TNK2: variants seen among roughly 807,000 people sequenced by gnomAD.
TNK2 encodes activated CDC42 kinase 1.
TNK2 carries 83 observed loss-of-function variants against 101.8 expected under a neutral mutation model. The ratio of observed to expected loss-of-function variants is 0.82; its 90% CI spans 0.68 to 0.98. The LOEUF is 0.98. Ranked by LOEUF, TNK2 falls within the 50% of genes least tolerant of loss-of-function variation. The pLI, the probability that TNK2 is intolerant of heterozygous loss-of-function variation, is 0.00. For synonymous variants in TNK2, 804 were observed against 633.0 expected, an observed-to-expected ratio of 1.27 and a Z score of -4.06; for missense variants, 1,665 against 1,483.2, an observed-to-expected ratio of 1.12 and a Z score of -2.01.
chr3:195,868,199 T>A lies in TNK2; in HGVS notation c.2099A>T (p.Asp700Val). 3.1e-6 allele frequency: 5 copies of A among 1,608,914 alleles called. No homozygotes were observed. The highest frequency in any genetic ancestry group is 4.2e-6 in the Non-Finnish European group (5 of 1,178,878). ...ACCCTGGGGCGGGAGGAACAGGTTG[T>A]CCTCCAGGGGAGGGGGCGGCCGCGC... ...EQARPPPPLE[D>V]NLFLPPQGGG... is the part of the protein sequence containing the mutation. Residue 700 changes from aspartate to valine, a missense_variant, in exon 13 of 16, where the codon GAC becomes GTC. Coordinates refer to ENST00000672887, the MANE Select transcript of TNK2 (RefSeq NM_001382273.1).
At chr3:195,887,921 CGT>C (rs1756718756) in intron 2 of TNK2, among the ~76,000 whole-genome samples, 1 of 125,544 alleles carries the variant, frequency 8.0e-6, no homozygotes, top group African/African-American at 3.8e-5. Flanking sequence ...TGCATGCGTG[CGT>C]GCACGTGTGT....
In TNK2 at chr3:195,867,007, G is replaced by C. The variant is rs1385068962; in HGVS notation, c.3043C>G (p.Leu1015Val). 6.2e-7 allele frequency: 1 copy of C among 1,613,236 alleles called. No homozygotes were observed. The highest frequency in any genetic ancestry group is 8.5e-7 in the Non-Finnish European group (1 of 1,179,924). Residue 1015 changes from leucine to valine, a missense_variant, in exon 15 of 16, where the codon CTC becomes GTC. Leu to Val is a conservative substitution (Grantham distance 32). Coordinates refer to ENST00000672887, the MANE Select transcript of TNK2 (RefSeq NM_001382273.1). ...CTGGGCCGCAGACCCAGCCCGAAGA[G>C]CTGCTCCACCTGGGGGTAAGGGTGG... ...RAAQYLKVEQLFGLGLRPRGE... is the reference protein window; with the variant it reads ...RAAQYLKVEQVFGLGLRPRGE...
In TNK2 at chr3:195,885,417, A is replaced by T; in HGVS notation, c.235-384T>A. 1 of 1,340,738 alleles carries T rather than the reference A, an allele frequency of 7.5e-7. No homozygotes were observed. The highest frequency in any genetic ancestry group is 4.4e-5 in the East Asian group (1 of 22,506). The allele number at this position is 1,340,738 out of a possible 1,614,324, so 83.1% of individuals were successfully genotyped here. A position where few individuals can be genotyped will look rare whatever the true frequency, so the allele number is the denominator to read the frequency against. On this transcript the variant is annotated intron_variant, in intron 3 of 15. Coordinates refer to ENST00000672887, the MANE Select transcript of TNK2 (RefSeq NM_001382273.1). This position sits in a 1 kb window ranked among gnomAD's most constrained non-coding sequence, Gnocchi z 4.7. Reference sequence around the variant, plus strand: ...CCCGCAGACTCCAGCCCTAACCCGCATCGATGGAGCCGCAGGGGCCCTCCA... The same window carrying T: ...CCCGCAGACTCCAGCCCTAACCCGCTTCGATGGAGCCGCAGGGGCCCTCCA...
chr3:195,888,362 G>A lies in TNK2; in HGVS notation c.163+64C>T. ...CTCAGCTGCCACCCGTGCACCGAGTGGTCCTGAGGACAGAGGACGGAAAGG... is the reference window on the plus strand; with the variant it reads ...CTCAGCTGCCACCCGTGCACCGAGTAGTCCTGAGGACAGAGGACGGAAAGG... On this transcript the variant is annotated intron_variant, in intron 2 of 15. Coordinates refer to ENST00000672887, the MANE Select transcript of TNK2 (RefSeq NM_001382273.1). This position sits in a 1 kb window ranked among gnomAD's most constrained non-coding sequence, Gnocchi z 5.3. 6.5e-7 allele frequency: 1 copy of A among 1,549,836 alleles called. No individual in the cohort carries two copies. Among genetic ancestry groups the A allele is most frequent in the Non-Finnish European group, 8.8e-7 (1 of 1,134,476 alleles).
At chr3:195,874,668 T>TC (rs1215935283) in intron 9 of TNK2, among the ~76,000 whole-genome samples, 3 of 8,334 alleles carry the variant, frequency 3.6e-4, no homozygotes, top group African/African-American at 2.5e-3. Context: ...CACAAGAAGC[T>TC]CCCCTCGGGA....
At chr3:195,871,127 G>A (rs1428863481) in intron 10 of TNK2, among the ~76,000 whole-genome samples, 1 of 151,892 alleles carries the variant, frequency 6.6e-6, no homozygotes, top group Non-Finnish European at 1.5e-5. Flanking sequence ...GAGAAGGGCT[G>A]CAGAGGCCAG....
intron 6 of TNK2, among the ~76,000 whole-genome samples, chr3:195,880,513 C>G (rs1368175103): frequency 3.6e-5 from 1 of 27,934 alleles, no homozygotes; most frequent in Non-Finnish European, 7.1e-5. Flanking sequence ...CTGTAACACC[C>G]CCCCCCCCAG....
intron 1 of TNK2, among the ~76,000 whole-genome samples, chr3:195,897,823 C>A (rs1446567529): frequency 3.7e-5 from 5 of 134,004 alleles, no homozygotes; most frequent in Non-Finnish European, 6.5e-5. Flanking sequence ...CCCCCACCCC[C>A]CCCCCACCCC....
In TNK2 at chr3:195,882,655, T is replaced by G; in HGVS notation, c.610-327A>C. On this transcript the variant is annotated intron_variant, in intron 5 of 15. Transcript: ENST00000672887. This position sits in a 1 kb window ranked among gnomAD's most constrained non-coding sequence, Gnocchi z 4.2. ...GGTGGATCATTTGAGGTCAGGAGTT[T>G]GAGACCAGCCTGGCCAACATGGTGA... 1 of 691,934 alleles carries G rather than the reference T, an allele frequency of 1.4e-6. No individual in the cohort carries two copies. The highest frequency in any genetic ancestry group is 2.3e-6 in the Non-Finnish European group (1 of 442,980). The allele number at this position is 691,934 out of a possible 1,614,324, so 42.9% of individuals were successfully genotyped here. A position where few individuals can be genotyped will look rare whatever the true frequency, so the allele number is the denominator to read the frequency against.
In TNK2 at chr3:195,878,700, G is replaced by A; in HGVS notation, c.1015-108C>T. 2 of 1,469,262 alleles carry A rather than the reference G, an allele frequency of 1.4e-6. No individual in the cohort carries two copies. Among genetic ancestry groups the A allele is most frequent in the East Asian group, 2.4e-5 (1 of 40,902 alleles). 91.0% of individuals were successfully genotyped at this position (1,469,262 alleles called of 1,614,324 possible). On this transcript the variant is annotated intron_variant, in intron 7 of 15. Transcript: ENST00000672887. The surrounding 1 kb of genome is among the most constrained non-coding windows in gnomAD (Gnocchi z 4.7). Reference sequence around the variant, plus strand: ...GCTGCAGCGGCTGCTGCCATGCCTGGCCTCCAAAGAAGGGATCTGCCTGCC... The same window carrying A: ...GCTGCAGCGGCTGCTGCCATGCCTGACCTCCAAAGAAGGGATCTGCCTGCC...
At chr3:195,896,409 C>T (rs1362840361) in intron 1 of TNK2, 2 of 301,442 alleles carry the variant, frequency 6.6e-6, no homozygotes, top group African/African-American at 4.6e-5. Flanking sequence ...ACGGCCCACT[C>T]TCCTCACACA....
At chr3:195,865,893 T>C (rs1740514221) in intron 15 of TNK2, among the ~76,000 whole-genome samples, 1 of 152,182 alleles carries the variant, frequency 6.6e-6, no homozygotes, top group Non-Finnish European at 1.5e-5. Context: ...GGGTGAGCAC[T>C]ATTATCTACA....
At chr3:195,869,703 C>G (rs191683167) in intron 11 of TNK2, 162 bp from the exon 12 acceptor site, 1 of 739,082 alleles carries the variant, frequency 1.4e-6, no homozygotes, top group East Asian at 2.7e-5. Context: ...AGGCCGCAGG[C>G]GGCAGGATGA....
chr3:195,889,792 T>C (rs1053384571), intron 1 of TNK2, among the ~76,000 whole-genome samples: 4 of 152,160 alleles, frequency 2.6e-5, no homozygotes, highest in African/African-American at 9.7e-5. Context: ...CATCCCTGTC[T>C]GCGTAAGGTG....
At position 195,908,542 on chromosome 3, in the gene TNK2, G is replaced by T. The variant is rs964615230; in HGVS notation, c.-76C>A. 2.0e-5 allele frequency: 3 copies of T among 152,564 alleles called. No homozygotes were observed. The highest frequency in any genetic ancestry group is 4.8e-5 in the African/African-American group (2 of 41,448). The allele number at this position is 152,564 out of a possible 1,614,324, so 9.5% of individuals were successfully genotyped here. On this transcript the variant is annotated 5_prime_UTR_variant, in exon 1 of 16. Coordinates refer to ENST00000672887, the MANE Select transcript of TNK2 (RefSeq NM_001382273.1). ...GCTTCAGCGACGCCCAGGCTGAGAC[G>T]GCAGAAGAGGTTCCCGCCGGCCGCG...
chr3:195,882,987 GAC>G lies in TNK2; in HGVS notation c.609+168_609+169del, dbSNP rs1211779496. On this transcript the variant is annotated intron_variant, in intron 5 of 15. Coordinates refer to ENST00000672887, the MANE Select transcript of TNK2 (RefSeq NM_001382273.1). The surrounding 1 kb of genome is among the most constrained non-coding windows in gnomAD (Gnocchi z 4.2). ...GACAGACCCGGACTGGACCGCAGCAGACACAGCCCGTACCAGGCTGGGCCCCT... is the reference window on the plus strand; with the variant it reads ...GACAGACCCGGACTGGACCGCAGCAGACAGCCCGTACCAGGCTGGGCCCCT... Among the ~76,000 whole-genome samples the G allele has an allele frequency of 3.9e-5, 6 of 152,188 alleles. No homozygotes were observed. Among genetic ancestry groups the G allele is most frequent in the Non-Finnish European group, 7.3e-5 (5 of 68,034 alleles).
chr3:195,876,619 C>T (rs1320672651), intron 9 of TNK2: 1 of 456,146 alleles, frequency 2.2e-6, no homozygotes, highest in South Asian at 1.5e-5. Context: ...ACCTCCTGAG[C>T]AGCTCCAGGC....
intron 4 of TNK2, 128 bp from the exon 5 acceptor site, chr3:195,883,437 A>G (rs1754143444): frequency 8.8e-7 from 1 of 1,134,766 alleles, no homozygotes; most frequent in Admixed American, 2.1e-5. Flanking sequence ...GTGGGTAAGC[A>G]TGTCACCAGT....
In TNK2 at chr3:195,866,950, C is replaced by T. The variant is rs201887578; in HGVS notation, c.3100G>A (p.Asp1034Asn). ...CAGCCGGCCTGCTCCAGGTTCCAGT[C>T]GAACATCTCCAGCACTTTGTGGCAC... ...GECHKVLEMF[D>N]WNLEQAGCHL... The change falls in exon 15 of 16, where the codon GAC becomes AAC. Residue 1034 changes from aspartate (D) to asparagine (N), a missense_variant. Asp to Asn is a conservative substitution (Grantham distance 23). Coordinates refer to ENST00000672887, the MANE Select transcript of TNK2 (RefSeq NM_001382273.1). 2.1e-5 allele frequency: 34 copies of T among 1,613,004 alleles called. No individual in the cohort carries two copies. The highest frequency in any genetic ancestry group is 6.7e-5 in the African/African-American group (5 of 75,048).
Sources: allele counts gnomAD v4.1 joint callset (sites outside exome capture counted in the v4.1 genomes callset), GRCh38; gene constraint gnomAD v4.1.1; non-coding constraint Gnocchi (gnomAD v3.1); transcripts MANE v1.5; gene names NCBI Gene and HGNC (gene_info 2026-07-23, HGNC 2026-07-21).